AHI1: variants seen among roughly 807,000 people sequenced by gnomAD.
AHI1 encodes Abelson helper integration site 1.
Under a neutral mutation model 149.3 loss-of-function variants are expected in AHI1, and 123 were observed. The observed-to-expected ratio is 0.82, with a 90% CI of 0.71 to 0.96. The LOEUF (loss-of-function observed/expected upper bound fraction) is 0.96, where lower values mean the gene tolerates loss of function less well. Among genes scored for constraint, AHI1 ranks in the 40% least tolerant of loss-of-function variants. AHI1 has a pLI of 0.00. For synonymous variants in AHI1, 475 were observed against 459.8 expected (o/e 1.03, Z -0.42); for missense variants, 1,439 against 1,422.7 (o/e 1.01, Z -0.18).
intron 28 of AHI1, among the ~76,000 whole-genome samples, chr6:135,286,894 T>C (rs1046384379): frequency 7.9e-5 from 12 of 151,650 alleles, no homozygotes; most frequent in African/African-American, 2.9e-4. Flanking sequence ...GCAAAAAAAG[T>C]CTCCCTGTAC....
chr6:135,311,681 CA>C (rs1332464824), intron 26 of AHI1, among the ~76,000 whole-genome samples: 2 of 152,094 alleles, frequency 1.3e-5, no homozygotes, highest in African/African-American at 2.4e-5. Context: ...GTCCAAAACA[CA>C]AAAAATAGAA....
chr6:135,338,633 C>T (rs1224422216), intron 24 of AHI1, among the ~76,000 whole-genome samples: 1 of 152,180 alleles, frequency 6.6e-6, no homozygotes, highest in Non-Finnish European at 1.5e-5. Flanking sequence ...TAACTAAAGG[C>T]TTGCAATAAT....
At chr6:135,413,818 T>C (rs972751867) in intron 20 of AHI1, among the ~76,000 whole-genome samples, 10 of 152,162 alleles carry the variant, frequency 6.6e-5, no homozygotes, top group Admixed American at 1.3e-4. Context: ...GTGAAAGACC[T>C]GTATACTGAA....
At chr6:135,426,127 G>A (rs1293590672) in intron 20 of AHI1, among the ~76,000 whole-genome samples, 1 of 151,722 alleles carries the variant, frequency 6.6e-6, no homozygotes, top group Non-Finnish European at 1.5e-5. Context: ...TTTGGACATT[G>A]AATGATTTGA....
intron 24 of AHI1, among the ~76,000 whole-genome samples, chr6:135,347,557 A>C (rs553480799): frequency 6.6e-6 from 1 of 152,326 alleles, no homozygotes; most frequent in Non-Finnish European, 1.5e-5. Flanking sequence ...GCAAACGGTG[A>C]TGATAATAAT....
chr6:135,293,406 G>GAAAAAAAAAAAAAAAAAAAAAAAAAAA (rs71547029), intron 27 of AHI1, among the ~76,000 whole-genome samples: 3 of 65,582 alleles, frequency 4.6e-5, no homozygotes, highest in Non-Finnish European at 8.1e-5. Context: ...AAAAAAAAAA[G>GAAAAAAAAAAAAAAAAAAAAAAAAAAA]AAAAAAAAAA....
At chr6:135,341,510 C>T (rs1053536516) in intron 24 of AHI1, among the ~76,000 whole-genome samples, 3 of 152,020 alleles carry the variant, frequency 2.0e-5, no homozygotes, top group Admixed American at 6.5e-5. Context: ...GGATGCTTCA[C>T]TTAACAAAAG....
At chr6:135,385,328 TAA>T (rs1262501905) in intron 23 of AHI1, among the ~76,000 whole-genome samples, 1 of 152,012 alleles carries the variant, frequency 6.6e-6, no homozygotes, top group African/African-American at 2.4e-5. Context: ...AACCATCTTA[TAA>T]GACATGGAAG....
intron 18 of AHI1, 94 bp downstream of exon 18, chr6:135,429,788 C>T: frequency 5.4e-6 from 4 of 740,962 alleles, no homozygotes; most frequent in Non-Finnish European, 8.6e-6. Flanking sequence ...GGGGACACTG[C>T]TTAGTTGAGA....
At chr6:135,290,650 C>G in intron 27 of AHI1, 125 bp from the exon 28 acceptor site, 1 of 835,588 alleles carries the variant, frequency 1.2e-6, no homozygotes, top group Admixed American at 2.1e-5. Context: ...GAGGATATGA[C>G]AGAGAAAAAC....
rs980318 is a variant in AHI1 at position 135,430,186 on chromosome 6, C to T, written c.2374-186G>A. On this transcript the variant is annotated intron_variant, in intron 17 of 28. Transcript: ENST00000265602. ...AAAATAAAGCTGATGAATTGTATTT[C>T]TGTGTTGTTATGCAATGTGCAAATG... 0.98 allele frequency among the ~76,000 whole-genome samples: 148,906 copies of T among 152,048 alleles called. 72,925 individuals are homozygous for T. Among genetic ancestry groups the T allele is most frequent in the East Asian group, 1 (5,186 of 5,188 alleles).
intron 11 of AHI1, among the ~76,000 whole-genome samples, chr6:135,451,984 TACTC>T (rs1788191669): frequency 6.6e-6 from 1 of 152,168 alleles, no homozygotes; most frequent in Non-Finnish European, 1.5e-5. Flanking sequence ...TCAAATTACT[TACTC>T]ACCATAGCCA....
At chr6:135,297,795 C>T (rs1482830642) in intron 27 of AHI1, among the ~76,000 whole-genome samples, 2 of 151,896 alleles carry the variant, frequency 1.3e-5, no homozygotes, top group Admixed American at 6.6e-5. Flanking sequence ...GGACTATAAA[C>T]TACCTCCTCA....
At chr6:135,427,004 T>C (rs1279172205) in intron 20 of AHI1, among the ~76,000 whole-genome samples, 163 bp downstream of exon 20, 1 of 151,716 alleles carries the variant, frequency 6.6e-6, no homozygotes, top group Non-Finnish European at 1.5e-5. Context: ...TTTACTTAAA[T>C]TGATTTACAA....
chr6:135,448,271 A>T lies in AHI1; in HGVS notation c.1626+19T>A, dbSNP rs2128058696. On this transcript the variant is annotated intron_variant, in intron 12 of 28. Coordinates refer to ENST00000265602, the MANE Select transcript of AHI1 (RefSeq NM_001134831.2). ...TTCAACACTAGATGATATACACTTA[A>T]TATGTACTATTAACTTACACAGTCT... 1 of 1,512,306 alleles carries T rather than the reference A, an allele frequency of 6.6e-7. No homozygotes were observed. The allele number at this position is 1,512,306 out of a possible 1,614,324, so 93.7% of individuals were successfully genotyped here.
chr6:135,418,324 G>C (rs1201183871), intron 20 of AHI1, among the ~76,000 whole-genome samples: 1 of 152,012 alleles, frequency 6.6e-6, no homozygotes, highest in Non-Finnish European at 1.5e-5. Context: ...AACTACATTT[G>C]CTTAAAGAAA....
Position 135,433,249 on chromosome 6 carries a change from T to C in AHI1, c.2044A>G (p.Lys682Glu). 6.3e-7 allele frequency: 1 copy of C among 1,597,646 alleles called. No individual in the cohort carries two copies. Among genetic ancestry groups the C allele is most frequent in the Non-Finnish European group, 8.6e-7 (1 of 1,166,162 alleles). The change falls in exon 16 of 29, where the codon AAA becomes GAA. Residue 682 changes from lysine (K) to glutamate (E), a missense_variant. By Grantham distance (56) the Lys-to-Glu change is moderately conservative (BLOSUM62 1). Coordinates refer to ENST00000265602, the MANE Select transcript of AHI1 (RefSeq NM_001134831.2). ...SSSDGTARIW[K>E]NEINNTNTFR... is the part of the protein sequence containing the mutation. ...GTATTTGTATTGTTTATTTCATTTT[T>C]CCATATCCTGGAAAAGGATAAGAAG...
intron 23 of AHI1, among the ~76,000 whole-genome samples, chr6:135,366,993 T>G (rs1458425726): frequency 6.6e-6 from 1 of 152,218 alleles, no homozygotes; most frequent in African/African-American, 2.4e-5. Flanking sequence ...ATCATCCAGT[T>G]CAAAGAATTT....
chr6:135,295,029 A>G (rs1399171806), intron 27 of AHI1, among the ~76,000 whole-genome samples: 1 of 152,222 alleles, frequency 6.6e-6, no homozygotes, highest in Non-Finnish European at 1.5e-5. Context: ...AAAATCACAT[A>G]GTTGATAAAG....
Sources: gnomAD v4.1 joint callset for allele counts (sites outside exome capture counted in the v4.1 genomes callset) on GRCh38, gnomAD v4.1.1 for gene constraint, MANE v1.5 for transcripts, NCBI Gene and HGNC (gene_info 2026-07-23, HGNC 2026-07-21) for gene names.